The following GRM8 variants were observed in gnomAD, a reference collection of about 807,000 sequenced individuals.
GRM8 encodes metabotropic glutamate receptor 8.
A neutral mutation model predicts 87.2 loss-of-function variants in GRM8; 47 were observed. That is an observed-to-expected ratio of 0.54 (90% CI 0.43 to 0.69). The LOEUF is 0.69. Ranked by LOEUF, GRM8 falls within the 30% of genes least tolerant of loss-of-function variation. The pLI is 0.00. For missense variants in GRM8, 1,019 were observed against 1,139.2 expected (o/e 0.89, Z 1.52); for synonymous variants, 396 against 404.5 (o/e 0.98, Z 0.25).
In GRM8 at chr7:126,729,111, G is replaced by A. The variant is rs369745486; in HGVS notation, c.1357+40754C>T. Among the ~76,000 whole-genome samples, 22 of 152,194 alleles carry A rather than the reference G, an allele frequency of 1.4e-4. No homozygotes were observed. In the East Asian group the frequency reaches 2.5e-3, roughly 17 times the overall value. ...TCATAGTGATTAAAGACCTGATTCCGTCCCCTCCCACCTGTATGAAGTTCA... is the reference window on the plus strand; with the variant it reads ...TCATAGTGATTAAAGACCTGATTCCATCCCCTCCCACCTGTATGAAGTTCA... On this transcript the variant is annotated intron_variant, in intron 7 of 10. Coordinates refer to ENST00000339582, the MANE Select transcript of GRM8 (RefSeq NM_000845.3).
At chr7:126,730,376 T>C (rs1213229430) in intron 7 of GRM8, among the ~76,000 whole-genome samples, 1 of 152,062 alleles carries the variant, frequency 6.6e-6, no homozygotes, top group Non-Finnish European at 1.5e-5. Flanking sequence ...TGAGCAAAGA[T>C]CCAAGATTAG....
rs571934261 is a variant in GRM8, at chr7:127,081,921, G to C, written c.727+24575C>G. On this transcript the variant is annotated intron_variant, in intron 3 of 10. Transcript: ENST00000339582. ...TCAGCAGTGCTGGAGGATGCAAAGG[G>C]GTCAAGAAGGAAGGAAGCCAGGAAA... Among the ~76,000 whole-genome samples, 3 of 152,260 alleles carry C rather than the reference G, an allele frequency of 2.0e-5. No individual in the cohort carries two copies. The East Asian group carries it at 5.8e-4, about 29-fold the overall frequency.
intron 3 of GRM8, among the ~76,000 whole-genome samples, chr7:126,917,018 A>G (rs1265419457): frequency 2.0e-5 from 3 of 152,212 alleles, no homozygotes; most frequent in African/African-American, 7.2e-5. Flanking sequence ...ACTAAAAAGA[A>G]AGGATAGTGA....
chr7:127,019,439 A>G (rs920158815), intron 3 of GRM8, among the ~76,000 whole-genome samples: 1 of 152,116 alleles, frequency 6.6e-6, no homozygotes, highest in Non-Finnish European at 1.5e-5. Context: ...ATCATAAGTA[A>G]CATGAAAGAA....
chr7:127,159,603 T>A (rs2299544), intron 2 of GRM8, among the ~76,000 whole-genome samples: 85 of 152,102 alleles, frequency 5.6e-4, no homozygotes, highest in African/African-American at 2.0e-3. Flanking sequence ...AAAGTTGAAC[T>A]TTAAAAAAAT....
At chr7:127,003,871 G>A (rs926470459) in intron 3 of GRM8, among the ~76,000 whole-genome samples, 1 of 151,650 alleles carries the variant, frequency 6.6e-6, no homozygotes, top group Non-Finnish European at 1.5e-5. Flanking sequence ...TTGTGGTTAA[G>A]GGTTTTACCA....
At chr7:126,506,948 G>T (rs1230112596) in intron 9 of GRM8, among the ~76,000 whole-genome samples, 1 of 152,074 alleles carries the variant, frequency 6.6e-6, no homozygotes. Context: ...AAAATAAAAT[G>T]CAGTAAATTA....
intron 3 of GRM8, among the ~76,000 whole-genome samples, chr7:126,916,015 T>A (rs1369371048): frequency 2.6e-5 from 4 of 152,198 alleles, no homozygotes; most frequent in African/African-American, 9.7e-5. Context: ...GTTCCCAGAC[T>A]CTGCAGCAAA....
At chr7:127,147,051 A>G (rs745391197) in intron 2 of GRM8, among the ~76,000 whole-genome samples, 1 of 152,052 alleles carries the variant, frequency 6.6e-6, no homozygotes, top group Admixed American at 6.6e-5. Context: ...TAGATGGTAT[A>G]TTTGTGTGTG....
At chr7:126,502,906 T>G (rs1809867166) in intron 9 of GRM8, among the ~76,000 whole-genome samples, 1 of 152,014 alleles carries the variant, frequency 6.6e-6, no homozygotes, top group African/African-American at 2.4e-5. Flanking sequence ...TGCTCCATAT[T>G]CCAGCTGGTT....
intron 9 of GRM8, among the ~76,000 whole-genome samples, chr7:126,468,254 T>C (rs558708404): frequency 4.5e-5 from 3 of 66,512 alleles, no homozygotes; most frequent in Non-Finnish European, 9.3e-5. Context: ...CAGTGTACCA[T>C]TGACATAATA....
chr7:126,878,276 C>A (rs1187969164), intron 6 of GRM8, among the ~76,000 whole-genome samples: 2 of 152,100 alleles, frequency 1.3e-5, no homozygotes, highest in Non-Finnish European at 1.5e-5. Context: ...ATATGATTTC[C>A]CCAACATCTC....
chr7:126,537,190 AT>A (rs1815888045), intron 8 of GRM8, among the ~76,000 whole-genome samples: 1 of 152,246 alleles, frequency 6.6e-6, no homozygotes, highest in Admixed American at 6.5e-5. Flanking sequence ...AAGTAAAAAA[AT>A]AAGCAATATG....
At chr7:127,209,664 C>A (rs1471551063) in intron 2 of GRM8, among the ~76,000 whole-genome samples, 1 of 152,086 alleles carries the variant, frequency 6.6e-6, no homozygotes, top group Non-Finnish European at 1.5e-5. Context: ...AGGGGAAATC[C>A]CAGAGATCCA....
intron 9 of GRM8, among the ~76,000 whole-genome samples, chr7:126,524,637 T>C (rs1365259791): frequency 6.6e-6 from 1 of 152,204 alleles, no homozygotes; most frequent in African/African-American, 2.4e-5. Flanking sequence ...GTTTATTAGA[T>C]ATATATTGGG....
chr7:127,179,285 T>C (rs1340608770), intron 2 of GRM8, among the ~76,000 whole-genome samples: 1 of 152,120 alleles, frequency 6.6e-6, no homozygotes, highest in Non-Finnish European at 1.5e-5. Flanking sequence ...TAAAAGGCCT[T>C]GTCCCACAGA....
intron 3 of GRM8, among the ~76,000 whole-genome samples, chr7:127,085,631 T>C (rs1169799407): frequency 6.6e-6 from 1 of 152,238 alleles, no homozygotes; most frequent in Non-Finnish European, 1.5e-5. Context: ...TCAGTTCGTA[T>C]CCTTTACCCA....
rs530064814 is a variant in GRM8, at chr7:126,895,321, A to G, written c.1156+7221T>C. 2.0e-5 allele frequency among the ~76,000 whole-genome samples: 3 copies of G among 152,140 alleles called. No homozygotes were observed. In the East Asian group the frequency reaches 5.8e-4, roughly 29 times the overall value. ...AGCACAGTTGAATGTTTATTTTGCT[A>G]ATTTAGCTTCAGGTGCTATGGTTAT... On this transcript the variant is annotated intron_variant, in intron 6 of 10. Coordinates refer to ENST00000339582, the MANE Select transcript of GRM8 (RefSeq NM_000845.3).
At chr7:127,086,799 T>C (rs1007640398) in intron 3 of GRM8, among the ~76,000 whole-genome samples, 3 of 152,214 alleles carry the variant, frequency 2.0e-5, no homozygotes, top group African/African-American at 7.2e-5. Context: ...TCTCCTGTTT[T>C]AGCATAAATA....
Sources: allele counts gnomAD v4.1 joint callset (sites outside exome capture counted in the v4.1 genomes callset), GRCh38; gene constraint gnomAD v4.1.1; transcripts MANE v1.5; gene names NCBI Gene and HGNC (gene_info 2026-07-23, HGNC 2026-07-21).